The following FUT8 variants were observed in gnomAD, a reference collection of about 807,000 sequenced individuals.
The protein encoded by FUT8 is fucosyltransferase 8.
Under a neutral mutation model 71.3 loss-of-function variants are expected in FUT8, and 29 were observed. That is an observed-to-expected ratio of 0.41 (90% confidence interval 0.30 to 0.55). The LOEUF (loss-of-function observed/expected upper bound fraction) is 0.55. Ranked by LOEUF, FUT8 falls within the 20% of genes least tolerant of loss-of-function variation. The pLI, the probability that FUT8 is intolerant of heterozygous loss-of-function variation, is 0.34. For missense variants in FUT8, 544 were observed against 702.1 expected (o/e 0.77, Z 2.55); for synonymous variants, 254 against 239.3 (o/e 1.06, Z -0.57).
chr14:65,699,186 A>ACACACT (rs1894158470), intron 7 of FUT8, among the ~76,000 whole-genome samples: 1 of 145,948 alleles, frequency 6.9e-6, no homozygotes. Flanking sequence ...ACACACACAC[A>ACACACT]CACACACACA....
In FUT8 at chr14:65,669,115, G is replaced by A. The variant is rs1482551589; in HGVS notation, c.598-128G>A. On this transcript the variant is annotated intron_variant, in intron 6 of 10. Transcript: ENST00000673929. The surrounding 1 kb of genome is among the most constrained non-coding windows in gnomAD (Gnocchi z 4.5). ...ACTTGGGGTGTATACCAAACCCCACGACACACAATTTATCTATAGAACAAA... is the reference window on the plus strand; with the variant it reads ...ACTTGGGGTGTATACCAAACCCCACAACACACAATTTATCTATAGAACAAA... The A allele has an allele frequency of 4.4e-6, 3 of 674,420 alleles. No individual in the cohort carries two copies. Among genetic ancestry groups the A allele is most frequent in the East Asian group, 2.7e-5 (1 of 36,846 alleles). 41.8% of individuals were successfully genotyped at this position (674,420 alleles called of 1,614,324 possible). A position where few individuals can be genotyped will look rare whatever the true frequency, so the allele number is the denominator to read the frequency against.
Position 65,737,926 on chromosome 14 carries a change from G to A in FUT8, c.1411-4167G>A, listed in dbSNP as rs548048898. 6.6e-5 allele frequency among the ~76,000 whole-genome samples: 10 copies of A among 152,158 alleles called. No individual in the cohort carries two copies. In the South Asian group the frequency reaches 2.1e-3, roughly 32 times the overall value. The stretch of plus-strand genomic sequence containing the variant: ...CCCAGAGGGCAAAACCAAAAACTAC[G>A]TTAACTATTCCAGACAGATGGCTCT... On this transcript the variant is annotated intron_variant, in intron 10 of 10. Transcript: ENST00000673929.
chr14:65,477,084 A>AG (rs1440735183), intron 2 of FUT8, among the ~76,000 whole-genome samples: 2 of 152,156 alleles, frequency 1.3e-5, no homozygotes, highest in Admixed American at 6.5e-5. Flanking sequence ...TTCTGTGGAC[A>AG]GTTATGGCCA....
At chr14:65,468,214 C>A (rs2066076439) in intron 2 of FUT8, 3 of 627,676 alleles carry the variant, frequency 4.8e-6, no homozygotes, top group South Asian at 4.1e-5. Flanking sequence ...AGTACCCATT[C>A]CCTTGATGTC....
intron 3 of FUT8, among the ~76,000 whole-genome samples, chr14:65,596,271 T>G (rs538113018): frequency 6.6e-6 from 1 of 152,350 alleles, no homozygotes; most frequent in South Asian, 2.1e-4. Context: ...GTGTTTTGAT[T>G]TTAAATATAG....
intron 5 of FUT8, among the ~76,000 whole-genome samples, chr14:65,621,055 T>A (rs1340784110): frequency 6.6e-6 from 1 of 152,178 alleles, no homozygotes; most frequent in East Asian, 1.9e-4. Flanking sequence ...ATCTAGTAGT[T>A]CTAATTCTGT....
chr14:65,372,416 CT>C, the FUT8 span, among the ~76,000 whole-genome samples: 104 of 146,626 alleles, frequency 7.1e-4, no homozygotes, highest in Admixed American at 7.5e-4. Context: ...TCCCTTCCTT[CT>C]TTTTTTTTTT....
the FUT8 span, among the ~76,000 whole-genome samples, chr14:65,360,455 C>A: frequency 6.6e-6 from 1 of 152,328 alleles, no homozygotes; most frequent in African/African-American, 2.4e-5. Context: ...TTAAATCAAC[C>A]TAAAGCATTT....
chr14:65,712,313 A>G (rs1594926021), intron 7 of FUT8, among the ~76,000 whole-genome samples: 1 of 152,238 alleles, frequency 6.6e-6, no homozygotes, highest in East Asian at 1.9e-4. Flanking sequence ...ATTTATGGAA[A>G]TTTAATTCTG....
At chr14:65,666,902 A>T (rs1331979748) in intron 6 of FUT8, among the ~76,000 whole-genome samples, 1 of 152,216 alleles carries the variant, frequency 6.6e-6, no homozygotes, top group African/African-American at 2.4e-5. Context: ...TTCATCACAT[A>T]GGCAGAACTA....
intron 3 of FUT8, among the ~76,000 whole-genome samples, chr14:65,563,161 T>C (rs993986516): frequency 6.6e-6 from 1 of 152,046 alleles, no homozygotes; most frequent in Non-Finnish European, 1.5e-5. Flanking sequence ...ATTATTTTCT[T>C]TCCTACTTGG....
At chr14:65,447,720 T>C (rs2065764326) in intron 1 of FUT8, among the ~76,000 whole-genome samples, 1 of 152,136 alleles carries the variant, frequency 6.6e-6, no homozygotes, top group Non-Finnish European at 1.5e-5. Context: ...CAGTATAGGC[T>C]TTTCATCTCA....
chr14:65,692,726 C>T (rs1227356145), intron 7 of FUT8, among the ~76,000 whole-genome samples: 1 of 149,214 alleles, frequency 6.7e-6, no homozygotes, highest in Non-Finnish European at 1.5e-5. Flanking sequence ...GGCTGCCGGG[C>T]GGAGGGGCTC....
In FUT8 at chr14:65,435,047, C is replaced by T. The variant is rs1045754079; in HGVS notation, c.-325-20574C>T. Among the ~76,000 whole-genome samples, 10 of 152,114 alleles carry T rather than the reference C, an allele frequency of 6.6e-5. 1 individual carries two copies. In the South Asian group the frequency reaches 1.5e-3, roughly 22 times the overall value. On this transcript the variant is annotated intron_variant, in intron 1 of 10. Coordinates refer to ENST00000673929, the MANE Select transcript of FUT8 (RefSeq NM_001371533.1). Reference sequence around the variant, plus strand: ...CTCTATGGCTACCATTTTACTTTTCCGAATGTCATACACAGTTGTCACTCC... The same window carrying T: ...CTCTATGGCTACCATTTTACTTTTCTGAATGTCATACACAGTTGTCACTCC...
intron 3 of FUT8, among the ~76,000 whole-genome samples, chr14:65,575,251 T>C (rs1886694216): frequency 6.6e-6 from 1 of 152,018 alleles, no homozygotes; most frequent in Non-Finnish European, 1.5e-5. Flanking sequence ...CCTCCTTTCT[T>C]CCTTCCTTTT....
intron 7 of FUT8, among the ~76,000 whole-genome samples, chr14:65,692,714 G>T (rs1348750489): frequency 6.7e-6 from 1 of 149,150 alleles, no homozygotes; most frequent in Non-Finnish European, 1.5e-5. Flanking sequence ...CTCAGACGGG[G>T]CGGCTGCCGG....
chr14:65,433,583 T>C (rs1385189106), intron 1 of FUT8, among the ~76,000 whole-genome samples: 1 of 152,220 alleles, frequency 6.6e-6, no homozygotes, highest in Non-Finnish European at 1.5e-5. Flanking sequence ...TTACCTAGCT[T>C]TAAGTGAGTA....
At chr14:65,573,838 CTGAT>C (rs1460043931) in intron 3 of FUT8, among the ~76,000 whole-genome samples, 1 of 151,834 alleles carries the variant, frequency 6.6e-6, no homozygotes, top group Non-Finnish European at 1.5e-5. Context: ...TAAAATGCAT[CTGAT>C]TGTTTATATC....
intron 7 of FUT8, among the ~76,000 whole-genome samples, chr14:65,671,164 C>T (rs561626391): frequency 2.6e-5 from 4 of 152,270 alleles, no homozygotes; most frequent in East Asian, 3.9e-4. Flanking sequence ...CAGGGCCAAA[C>T]TATGTTTCCC....
Sources: gnomAD v4.1 joint callset for allele counts (sites outside exome capture counted in the v4.1 genomes callset) on GRCh38, gnomAD v4.1.1 for gene constraint, Gnocchi (gnomAD v3.1) non-coding constraint, MANE v1.5 for transcripts, NCBI Gene and HGNC (gene_info 2026-07-23, HGNC 2026-07-21) for gene names.